The following ADGRB3 variants were observed in gnomAD, a reference collection of about 807,000 sequenced individuals.
The protein encoded by ADGRB3 is brain-specific angiogenesis inhibitor 3.
ADGRB3 carries 37 observed loss-of-function variants against 193.4 expected under a neutral mutation model. That is an observed-to-expected ratio of 0.19 (90% CI 0.15 to 0.25). ADGRB3 has a LOEUF of 0.25. Ranked by LOEUF, ADGRB3 falls within the 10% of genes least tolerant of loss-of-function variation. The pLI, the probability that ADGRB3 is intolerant of heterozygous loss-of-function variation, is 1.00. For missense variants in ADGRB3, 1,637 were observed against 1,852.9 expected, an observed-to-expected ratio of 0.88 and a Z score of 2.14; for synonymous variants, 690 against 644.2, an observed-to-expected ratio of 1.07 and a Z score of -1.08.
intron 17 of ADGRB3, among the ~76,000 whole-genome samples, chr6:69,109,674 G>A (rs899051282): frequency 6.8e-6 from 1 of 147,972 alleles, no homozygotes; most frequent in Admixed American, 6.7e-5. Flanking sequence ...TGATGGCAGA[G>A]CCTCTATTCT....
At chr6:69,019,155 A>C (rs1770186421) in intron 13 of ADGRB3, among the ~76,000 whole-genome samples, 1 of 152,126 alleles carries the variant, frequency 6.6e-6, no homozygotes, top group Non-Finnish European at 1.5e-5. Context: ...ACAAAGAAAT[A>C]GCCTTCTTAG....
chr6:68,921,565 T>C (rs79376906), intron 3 of ADGRB3, among the ~76,000 whole-genome samples: 1,767 of 152,246 alleles, frequency 0.012, 45 homozygotes, highest in African/African-American at 0.041. Context: ...ATTTAAATTG[T>C]GATTCCTCAC....
At chr6:68,830,024 T>A (rs1178182337) in intron 3 of ADGRB3, among the ~76,000 whole-genome samples, 2 of 152,104 alleles carry the variant, frequency 1.3e-5, no homozygotes, top group African/African-American at 4.8e-5. Flanking sequence ...AGGGAGGCAA[T>A]AAACAGCTAA....
At chr6:68,997,146 T>C (rs1437119561) in intron 11 of ADGRB3, among the ~76,000 whole-genome samples, 2 of 152,224 alleles carry the variant, frequency 1.3e-5, no homozygotes, top group African/African-American at 4.8e-5. Flanking sequence ...TACTAACTAC[T>C]ACAGACAGAA....
chr6:68,668,141 G>A (rs562086914), intron 3 of ADGRB3, among the ~76,000 whole-genome samples: 6 of 152,104 alleles, frequency 3.9e-5, no homozygotes, highest in Admixed American at 3.3e-4. Context: ...CCAAACTGTA[G>A]CAGCTGCTAG....
At chr6:69,101,423 CAGTA>C (rs907209469) in intron 17 of ADGRB3, among the ~76,000 whole-genome samples, 7 of 96,714 alleles carry the variant, frequency 7.2e-5, no homozygotes, top group African/African-American at 2.6e-4. Flanking sequence ...ATATTAGATA[CAGTA>C]AGTATCGTGT....
chr6:68,748,752 G>A (rs937408132), intron 3 of ADGRB3, among the ~76,000 whole-genome samples: 5 of 152,128 alleles, frequency 3.3e-5, no homozygotes, highest in Admixed American at 2.0e-4. Flanking sequence ...CTCTGTGTGG[G>A]GGCTCTCACC....
intron 17 of ADGRB3, among the ~76,000 whole-genome samples, chr6:69,194,553 G>A (rs529464643): frequency 1.3e-5 from 2 of 152,236 alleles, no homozygotes; most frequent in East Asian, 1.9e-4. Flanking sequence ...GTGAGAATGG[G>A]CTTGAAAGTG....
chr6:69,018,189 A>G (rs1770153463), intron 12 of ADGRB3, among the ~76,000 whole-genome samples: 1 of 151,942 alleles, frequency 6.6e-6, no homozygotes, highest in Non-Finnish European at 1.5e-5. Flanking sequence ...ACTACATCAT[A>G]TTACTTCCAA....
chr6:68,752,203 T>TA (rs1287837649), intron 3 of ADGRB3, among the ~76,000 whole-genome samples: 1 of 151,932 alleles, frequency 6.6e-6, no homozygotes, highest in Non-Finnish European at 1.5e-5. Context: ...GGAACTTAGT[T>TA]ACTTGGTTAA....
intron 3 of ADGRB3, among the ~76,000 whole-genome samples, chr6:68,886,839 T>C: frequency 6.6e-6 from 1 of 152,012 alleles, no homozygotes; most frequent in East Asian, 1.9e-4. Flanking sequence ...ATATGTACTG[T>C]TCTGTGACCT....
At chr6:68,884,193 T>C (rs1765832751) in intron 3 of ADGRB3, among the ~76,000 whole-genome samples, 1 of 152,164 alleles carries the variant, frequency 6.6e-6, no homozygotes, top group Admixed American at 6.5e-5. Flanking sequence ...ATATACTCTT[T>C]CACTTCCTTA....
intron 3 of ADGRB3, among the ~76,000 whole-genome samples, chr6:68,692,434 A>G (rs1196592139): frequency 3.3e-5 from 5 of 152,034 alleles, no homozygotes; most frequent in South Asian, 2.1e-4. Context: ...TGCTCAAAGT[A>G]TATTTACTCT....
chr6:69,312,450 T>C (rs866212807), intron 20 of ADGRB3, among the ~76,000 whole-genome samples: 2 of 151,714 alleles, frequency 1.3e-5, no homozygotes, highest in African/African-American at 4.8e-5. Context: ...ACAGATGGAA[T>C]CAACCAATCT....
intron 10 of ADGRB3, among the ~76,000 whole-genome samples, chr6:68,984,652 T>G (rs965031539): frequency 5.9e-5 from 9 of 152,238 alleles, no homozygotes; most frequent in Middle Eastern, 3.4e-3. Flanking sequence ...ATGAGAAATA[T>G]TATAACATTT....
chr6:69,354,072 A>G (rs562020583), intron 26 of ADGRB3, among the ~76,000 whole-genome samples, 161 bp from the exon 27 acceptor site: 22 of 152,302 alleles, frequency 1.4e-4, no homozygotes, highest in African/African-American at 5.1e-4. Flanking sequence ...TCAAAAAATA[A>G]TAGTAGTAAT....
At chr6:69,020,074 A>T (rs1428608799) in intron 13 of ADGRB3, among the ~76,000 whole-genome samples, 2 of 152,070 alleles carry the variant, frequency 1.3e-5, no homozygotes, top group Non-Finnish European at 2.9e-5. Context: ...GAAATGAGTT[A>T]TGAAGGGTCT....
intron 3 of ADGRB3, among the ~76,000 whole-genome samples, chr6:68,713,519 T>C (rs902871301): frequency 6.6e-5 from 10 of 151,836 alleles, no homozygotes; most frequent in Non-Finnish European, 1.5e-4. Flanking sequence ...TTTCTGACTA[T>C]ACATTGCTTT....
At chr6:69,228,912 G>A (rs1766077491) in intron 17 of ADGRB3, among the ~76,000 whole-genome samples, 1 of 152,114 alleles carries the variant, frequency 6.6e-6, no homozygotes, top group Admixed American at 6.5e-5. Context: ...ATAAAACTAA[G>A]TGTTTGGAAA....
Sources: gnomAD v4.1 joint callset for allele counts (sites outside exome capture counted in the v4.1 genomes callset) on GRCh38, gnomAD v4.1.1 for gene constraint, MANE v1.5 for transcripts, NCBI Gene and HGNC (gene_info 2026-07-23, HGNC 2026-07-21) for gene names.